Variants in SPOCK3 observed in about 807,000 individuals in gnomAD.
SPOCK3 encodes SPARC (osteonectin), cwcv and kazal like domains proteoglycan 3.
Under a neutral mutation model 56.6 loss-of-function variants are expected in SPOCK3, and 30 were observed. The ratio of observed to expected loss-of-function variants is 0.53; its 90% confidence interval spans 0.40 to 0.72. The LOEUF (loss-of-function observed/expected upper bound fraction) is 0.72. SPOCK3 is among the 30% of genes least tolerant of loss of function. The pLI is 0.00. For missense variants in SPOCK3, 527 were observed against 530.0 expected (o/e 0.99, Z 0.06); for synonymous variants, 196 against 183.3 (o/e 1.07, Z -0.56).
At chr4:166,786,968 TCTC>T (rs972130934) in intron 7 of SPOCK3, among the ~76,000 whole-genome samples, 1 of 152,142 alleles carries the variant, frequency 6.6e-6, no homozygotes, top group Non-Finnish European at 1.5e-5. Context: ...CTTTCTGCTT[TCTC>T]CTCCTATGTG....
At chr4:167,048,337 A>G (rs1363204253) in intron 3 of SPOCK3, among the ~76,000 whole-genome samples, 1 of 151,970 alleles carries the variant, frequency 6.6e-6, no homozygotes, top group African/African-American at 2.4e-5. Context: ...AAAAGAAAAA[A>G]AAGTAGTGTG....
intron 2 of SPOCK3, among the ~76,000 whole-genome samples, chr4:167,164,475 C>T (rs924377625): frequency 5.3e-5 from 8 of 151,912 alleles, no homozygotes; most frequent in Non-Finnish European, 1.2e-4. Flanking sequence ...GCAGAATGTG[C>T]AGGTTTGTTA....
chr4:167,188,093 T>G (rs1353436060), intron 2 of SPOCK3, among the ~76,000 whole-genome samples: 1 of 118,334 alleles, frequency 8.5e-6, no homozygotes, highest in South Asian at 2.4e-4. Context: ...AATCCCACGA[T>G]AATCCAGATA....
chr4:167,014,436 T>C (rs1256304675), intron 3 of SPOCK3, among the ~76,000 whole-genome samples: 1 of 152,008 alleles, frequency 6.6e-6, no homozygotes. Context: ...GCTTGAGGCC[T>C]GGAGCTCAAG....
intron 5 of SPOCK3, among the ~76,000 whole-genome samples, chr4:166,898,561 G>A (rs1040039448): frequency 1.3e-5 from 2 of 152,146 alleles, no homozygotes; most frequent in Non-Finnish European, 1.5e-5. Flanking sequence ...GTAAGCCAAC[G>A]TGACCTTTCC....
chr4:167,184,318 A>G, intron 2 of SPOCK3, among the ~76,000 whole-genome samples: 1 of 152,162 alleles, frequency 6.6e-6, no homozygotes, highest in East Asian at 1.9e-4. Flanking sequence ...AGGAATTCAG[A>G]AGGCAAATAG....
intron 5 of SPOCK3, among the ~76,000 whole-genome samples, chr4:166,906,525 A>T (rs79199600): frequency 6.6e-6 from 1 of 151,702 alleles, no homozygotes. Context: ...ATACACAAAA[A>T]CTAATCAGTA....
chr4:166,790,575 G>T (rs1229707738), intron 7 of SPOCK3, among the ~76,000 whole-genome samples: 1 of 152,114 alleles, frequency 6.6e-6, no homozygotes, highest in African/African-American at 2.4e-5. Flanking sequence ...CTCTAAAGAA[G>T]TTTCTTATAA....
At chr4:166,831,732 C>G (rs566606776) in intron 6 of SPOCK3, among the ~76,000 whole-genome samples, 1 of 137,790 alleles carries the variant, frequency 7.3e-6, no homozygotes, top group East Asian at 2.1e-4. Flanking sequence ...AAACATCTTT[C>G]GGTATCATCA....
At chr4:166,765,762 A>T (rs1361744429) in intron 7 of SPOCK3, among the ~76,000 whole-genome samples, 1 of 152,216 alleles carries the variant, frequency 6.6e-6, no homozygotes, top group African/African-American at 2.4e-5. Flanking sequence ...TATTGAATCT[A>T]TAAATTACCT....
At position 167,014,487 on chromosome 4, in the gene SPOCK3, A is replaced by C. The variant is rs1750408384; in HGVS notation, c.236-14024T>G. ...AAGGTGAGACTCCGTGACATCAAAA[A>C]ATAAAATAAAATAAAAATTTAGCCG... On this transcript the variant is annotated intron_variant, in intron 3 of 10. Coordinates refer to ENST00000357545, the MANE Select transcript of SPOCK3 (RefSeq NM_001040159.2). Among the ~76,000 whole-genome samples, 4 of 151,982 alleles carry C rather than the reference A, an allele frequency of 2.6e-5. 1 individual carries two copies. The South Asian group carries it at 8.3e-4, about 31-fold the overall frequency.
intron 2 of SPOCK3, among the ~76,000 whole-genome samples, chr4:167,183,003 T>G (rs1731629855): frequency 6.6e-6 from 1 of 151,680 alleles, no homozygotes; most frequent in Non-Finnish European, 1.5e-5. Context: ...AATGGCAGTG[T>G]GTCCATTATG....
In SPOCK3 at chr4:166,742,055, T is replaced by C. The variant is rs775141302; in HGVS notation, c.936A>G (p.Pro312=). The change falls in exon 9 of 11, where the codon CCA becomes CCG. Residue 312 remains proline, a synonymous_variant. Transcript: ENST00000357545. ...WCYCFQRQQD[P]PCQTELSNIQ... is the part of the protein sequence containing the mutation. ...TATTGCTGAGCTCAGTCTGGCAAGG[T>C]GGGTCTGCAATGACATTAAAAATGT... is the stretch of plus-strand genomic sequence containing the variant. 4.3e-6 allele frequency: 7 copies of C among 1,611,720 alleles called. No individual in the cohort carries two copies. The South Asian group carries it at 6.6e-5, about 15-fold the overall frequency.
chr4:167,046,451 T>A (rs1312009072), intron 3 of SPOCK3, among the ~76,000 whole-genome samples: 1 of 53,596 alleles, frequency 1.9e-5, no homozygotes, highest in Non-Finnish European at 3.6e-5. Flanking sequence ...TCTGATATTC[T>A]TTTTTTTTTT....
intron 2 of SPOCK3, among the ~76,000 whole-genome samples, chr4:167,163,184 T>G (rs1765472100): frequency 4.1e-5 from 6 of 147,302 alleles, no homozygotes; most frequent in Admixed American, 6.9e-5. Context: ...TTTTTTTTTT[T>G]GCCAAACCTA....
chr4:167,036,436 C>A (rs545695362), intron 3 of SPOCK3, among the ~76,000 whole-genome samples: 1 of 152,198 alleles, frequency 6.6e-6, no homozygotes, highest in East Asian at 1.9e-4. Context: ...CCAAAAATAA[C>A]TTTTAGTCCT....
At chr4:166,866,242 A>T (rs1731824595) in intron 6 of SPOCK3, among the ~76,000 whole-genome samples, 1 of 152,174 alleles carries the variant, frequency 6.6e-6, no homozygotes, top group African/African-American at 2.4e-5. Context: ...AGAAAACAGA[A>T]ACTGGACCTC....
chr4:167,065,953 T>C (rs904041604), intron 2 of SPOCK3, among the ~76,000 whole-genome samples: 3 of 151,930 alleles, frequency 2.0e-5, no homozygotes, highest in South Asian at 2.1e-4. Context: ...AGAGGCAAAG[T>C]TGGATTATTG....
intron 2 of SPOCK3, among the ~76,000 whole-genome samples, chr4:167,184,204 A>T (rs369916181): frequency 6.6e-6 from 1 of 152,202 alleles, no homozygotes; most frequent in Non-Finnish European, 1.5e-5. Context: ...ATCATCATAC[A>T]TGTATCTGGG....
Sources: gnomAD v4.1 joint callset for allele counts (sites outside exome capture counted in the v4.1 genomes callset) on GRCh38, gnomAD v4.1.1 for gene constraint, MANE v1.5 for transcripts, NCBI Gene and HGNC (gene_info 2026-07-23, HGNC 2026-07-21) for gene names.